Variants in FRMD4A observed in about 807,000 individuals in gnomAD.
FRMD4A encodes the protein FERM domain-containing protein 4A.
FRMD4A carries 29 observed loss-of-function variants against 129.1 expected under a neutral mutation model. The observed-to-expected ratio is 0.22, with a 90% CI of 0.17 to 0.31. The LOEUF (loss-of-function observed/expected upper bound fraction) is 0.31, where lower values mean the gene tolerates loss of function less well. FRMD4A is among the 10% of genes least tolerant of loss of function. FRMD4A has a pLI of 1.00. For missense variants in FRMD4A, 1,272 were observed against 1,375.8 expected, an observed-to-expected ratio of 0.92 and a Z score of 1.19; for synonymous variants, 634 against 571.6, an observed-to-expected ratio of 1.11 and a Z score of -1.56.
At chr10:13,700,051 C>T (rs1269600392) in intron 14 of FRMD4A, among the ~76,000 whole-genome samples, 2 of 152,004 alleles carry the variant, frequency 1.3e-5, no homozygotes, top group African/African-American at 4.8e-5. Flanking sequence ...GGACAGACCC[C>T]AATTTAAAAC....
intron 2 of FRMD4A, among the ~76,000 whole-genome samples, chr10:14,182,560 T>G (rs1841947545): frequency 6.6e-6 from 1 of 151,970 alleles, no homozygotes; most frequent in African/African-American, 2.4e-5. Flanking sequence ...GACAAAAATT[T>G]TTTTTTTCTC....
intron 2 of FRMD4A, among the ~76,000 whole-genome samples, chr10:13,958,046 G>A (rs1225310278): frequency 6.6e-6 from 1 of 152,030 alleles, no homozygotes; most frequent in Non-Finnish European, 1.5e-5. Context: ...AAATCCAGTG[G>A]TATTTCTTGT....
intron 2 of FRMD4A, among the ~76,000 whole-genome samples, chr10:14,169,578 T>C (rs879712544): frequency 6.6e-6 from 1 of 152,136 alleles, no homozygotes; most frequent in Non-Finnish European, 1.5e-5. Flanking sequence ...AAAAACTGGA[T>C]TTTGTCCTTG....
intron 2 of FRMD4A, among the ~76,000 whole-genome samples, chr10:13,901,249 T>C (rs773401260): frequency 6.6e-6 from 1 of 152,238 alleles, no homozygotes; most frequent in Admixed American, 6.5e-5. Context: ...CAAATAATTA[T>C]AATTTATTTA....
At chr10:13,996,767 G>T (rs1028392824) in intron 2 of FRMD4A, among the ~76,000 whole-genome samples, 5 of 152,098 alleles carry the variant, frequency 3.3e-5, no homozygotes, top group African/African-American at 1.2e-4. Flanking sequence ...AGAACTCCAC[G>T]AGATCTTAGA....
intron 2 of FRMD4A, among the ~76,000 whole-genome samples, chr10:14,196,670 C>T (rs1842481258): frequency 6.6e-6 from 1 of 152,146 alleles, no homozygotes; most frequent in South Asian, 2.1e-4. Flanking sequence ...CTAAAGTGTA[C>T]TTTACATTGT....
intron 9 of FRMD4A, among the ~76,000 whole-genome samples, chr10:13,747,331 G>A (rs894057972): frequency 6.6e-6 from 1 of 151,962 alleles, no homozygotes; most frequent in South Asian, 2.1e-4. Context: ...GAGGTCAGGA[G>A]TTTGAGACCA....
At chr10:14,123,162 G>T (rs1399677272) in intron 2 of FRMD4A, among the ~76,000 whole-genome samples, 4 of 152,088 alleles carry the variant, frequency 2.6e-5, no homozygotes, top group Non-Finnish European at 5.9e-5. Flanking sequence ...AACCACCGAG[G>T]CTGCATGACC....
intron 2 of FRMD4A, among the ~76,000 whole-genome samples, chr10:14,005,215 G>A (rs2095657878): frequency 6.6e-6 from 1 of 151,974 alleles, no homozygotes; most frequent in South Asian, 2.1e-4. Flanking sequence ...GTACAGACAG[G>A]GTTTCACCAT....
intron 2 of FRMD4A, among the ~76,000 whole-genome samples, chr10:13,945,128 T>C (rs34587836): frequency 0.097 from 14,730 of 152,212 alleles, 1,007 homozygotes; most frequent in Admixed American, 0.14. Flanking sequence ...CCAGCCGGAC[T>C]AGTGCCAAAC....
At chr10:13,696,651 G>A (rs966590758) in intron 14 of FRMD4A, among the ~76,000 whole-genome samples, 4 of 152,210 alleles carry the variant, frequency 2.6e-5, no homozygotes, top group Non-Finnish European at 5.9e-5. Context: ...GGCTGAGGCA[G>A]GAGAATTGCT....
intron 2 of FRMD4A, among the ~76,000 whole-genome samples, chr10:13,869,067 C>A (rs911733530): frequency 6.6e-6 from 1 of 152,168 alleles, no homozygotes; most frequent in African/African-American, 2.4e-5. Context: ...GCTGCTGCTG[C>A]TGCTCATGCA....
intron 2 of FRMD4A, among the ~76,000 whole-genome samples, chr10:14,131,404 C>T (rs984793482): frequency 6.6e-6 from 1 of 152,006 alleles, no homozygotes; most frequent in African/African-American, 2.4e-5. Flanking sequence ...GTGCCCCCCC[C>T]GGCCGCCCTG....
At position 13,724,224 on chromosome 10, in the gene FRMD4A, T is replaced by G. The variant is rs768814242; in HGVS notation, c.759+13620A>C. Among the ~76,000 whole-genome samples, 63 of 151,784 alleles carry G rather than the reference T, an allele frequency of 4.2e-4. 1 individual carries two copies. In the Middle Eastern group the frequency reaches 0.01, roughly 25 times the overall value. On this transcript the variant is annotated intron_variant, in intron 12 of 24. Coordinates refer to ENST00000357447, the MANE Select transcript of FRMD4A (RefSeq NM_018027.5). ...TAACATGGTGAAACCCTGTCTCTAC[T>G]AAAAATACAAAACATTAGCTGGGCG...
chr10:13,656,054 CACTT>C (rs1258436171), intron 22 of FRMD4A: 1 of 151,996 alleles, frequency 6.6e-6, no homozygotes, highest in Admixed American at 6.6e-5. Flanking sequence ...ATATTTAAGA[CACTT>C]AAATAATAGT....
At chr10:14,022,046 T>C (rs930442048) in intron 2 of FRMD4A, among the ~76,000 whole-genome samples, 2 of 152,188 alleles carry the variant, frequency 1.3e-5, no homozygotes, top group Non-Finnish European at 2.9e-5. Context: ...TATGTATCTA[T>C]TGAGGTCCTT....
intron 2 of FRMD4A, among the ~76,000 whole-genome samples, chr10:13,967,362 A>G (rs1016634699): frequency 1.3e-5 from 2 of 152,014 alleles, no homozygotes; most frequent in Admixed American, 6.6e-5. Flanking sequence ...GAATGACACA[A>G]TGGACTTTGG....
At chr10:14,002,246 C>G (rs1038302498) in intron 2 of FRMD4A, among the ~76,000 whole-genome samples, 4 of 152,090 alleles carry the variant, frequency 2.6e-5, no homozygotes, top group Non-Finnish European at 5.9e-5. Flanking sequence ...ATTTTTCCCC[C>G]AATAAAATCA....
At chr10:14,104,809 C>T (rs757174766) in intron 2 of FRMD4A, among the ~76,000 whole-genome samples, 2 of 152,218 alleles carry the variant, frequency 1.3e-5, no homozygotes, top group African/African-American at 4.8e-5. Context: ...GTGGTTCTCC[C>T]ATCCAGGGAA....
Sources: gnomAD v4.1 joint callset for allele counts (sites outside exome capture counted in the v4.1 genomes callset) on GRCh38, gnomAD v4.1.1 for gene constraint, MANE v1.5 for transcripts, NCBI Gene and HGNC (gene_info 2026-07-23, HGNC 2026-07-21) for gene names.